NLRP2: variants seen among roughly 807,000 people sequenced by gnomAD.
NLRP2 encodes the protein NACHT, LRR and PYD domains-containing protein 2.
In NLRP2, 107 loss-of-function variants were observed where a neutral mutation model predicts 97.2. The observed-to-expected ratio is 1.10, with a 90% confidence interval of 0.94 to 1.29. NLRP2 has a LOEUF of 1.29. Among genes scored for constraint, NLRP2 ranks in the 50% most tolerant of loss-of-function variants. NLRP2 has a pLI of 0.00. For synonymous variants in NLRP2, 663 were observed against 551.5 expected, an observed-to-expected ratio of 1.20 and a Z score of -2.83; for missense variants, 1,495 against 1,330.3, an observed-to-expected ratio of 1.12 and a Z score of -1.93.
intron 2 of NLRP2, among the ~76,000 whole-genome samples, chr19:54,971,768 C>CA (rs1231518961): frequency 6.6e-6 from 1 of 151,894 alleles, no homozygotes; most frequent in African/African-American, 2.4e-5. Context: ...AATCCTAGAT[C>CA]AAAAATAATG....
At chr19:54,980,693 G>T (rs917339606) in intron 4 of NLRP2, among the ~76,000 whole-genome samples, 1 of 152,174 alleles carries the variant, frequency 6.6e-6, no homozygotes, top group African/African-American at 2.4e-5. Context: ...TTTAACTTGC[G>T]GTCTTCTTTC....
chr19:54,974,472 A>G, intron 2 of NLRP2, 28 bp from the exon 3 acceptor site: 2 of 1,601,230 alleles, frequency 1.2e-6, no homozygotes, highest in Non-Finnish European at 1.7e-6. Flanking sequence ...GGTAAAATGC[A>G]AAATTTTCCC....
chr19:54,973,839 G>T, intron 2 of NLRP2: 4 of 622,504 alleles, frequency 6.4e-6, no homozygotes, highest in Non-Finnish European at 1.2e-5. Flanking sequence ...CCTGAAACCC[G>T]CCGGACTTTC....
rs753846462 is a variant in NLRP2, at chr19:54,983,641, G to A, written c.1943G>A (p.Arg648Gln). ...VPSSFCVKHCRNLQKMSLQVI... is the reference protein window; with the variant it reads ...VPSSFCVKHCQNLQKMSLQVI... ...TCTTCATTCTGCGTCAAGCACTGTC[G>A]AAACCTGCAGAAAATGTCACTGCAG... Residue 648 changes from arginine to glutamine, a missense_variant, in exon 6 of 13, where the codon CGA becomes CAA. Transcript: ENST00000448584. The A allele has an allele frequency of 3.2e-5, 51 of 1,613,994 alleles. No individual in the cohort carries two copies. Among genetic ancestry groups the A allele is most frequent in the African/African-American group, 4.0e-5 (3 of 74,932 alleles).
At chr19:54,993,084 G>A (rs1005256072) in intron 10 of NLRP2, 3 of 151,844 alleles carry the variant, frequency 2.0e-5, no homozygotes, top group Non-Finnish European at 2.9e-5. Flanking sequence ...GCCAGGCGTG[G>A]TGTCGGAGCC....
intron 12 of NLRP2, among the ~76,000 whole-genome samples, chr19:54,999,268 C>T (rs1245056229): frequency 6.6e-6 from 1 of 152,026 alleles, no homozygotes; most frequent in Non-Finnish European, 1.5e-5. Context: ...CTCCCTCAGC[C>T]TCCCAAGTAG....
At chr19:54,985,313 T>C in intron 7 of NLRP2, 96 bp downstream of exon 7, 1 of 1,174,878 alleles carries the variant, frequency 8.5e-7, no homozygotes, top group South Asian at 1.2e-5. Context: ...TACTAGACTC[T>C]TAAGTGCTCG....
At position 54,982,990 on chromosome 19, in the gene NLRP2, G is replaced by C. The variant is rs779407063; in HGVS notation, c.1292G>C (p.Arg431Pro). Reference protein sequence around the residue: ...TCLTRTGLFLRFLCSRFPQGA... With the variant: ...TCLTRTGLFLPFLCSRFPQGA... ...CTCACCCGCACGGGGCTGTTCCTGC[G>C]TTTCCTCTGCAGCCGGTTCCCGCAG... The change falls in exon 6 of 13, where the codon CGT (arginine) becomes CCT (proline). Residue 431 changes from arginine to proline, a missense_variant. Arg to Pro is a moderately radical substitution (Grantham distance 103). Coordinates refer to ENST00000448584, the MANE Select transcript of NLRP2 (RefSeq NM_017852.5). The C allele has an allele frequency of 6.2e-7, 1 of 1,610,930 alleles. No individual in the cohort carries two copies. The highest frequency in any genetic ancestry group is 1.1e-5 in the South Asian group (1 of 90,908).
intron 10 of NLRP2, chr19:54,991,076 C>T (rs2072444773): frequency 4.4e-6 from 1 of 227,794 alleles, no homozygotes. Context: ...AATCTGTGTT[C>T]TTAGAACTAT....
chr19:54,977,625 C>T lies in NLRP2; in HGVS notation c.326-127C>T, dbSNP rs908203462. The stretch of plus-strand genomic sequence containing the variant: ...GTACTTTCACTTTTACATCCAGTAC[C>T]TTATCAACGTCCTTTTTAGTACCTA... On this transcript the variant is annotated intron_variant, in intron 3 of 12. Coordinates refer to ENST00000448584, the MANE Select transcript of NLRP2 (RefSeq NM_017852.5). 23 of 876,672 alleles carry T rather than the reference C, an allele frequency of 2.6e-5. No homozygotes were observed. The Middle Eastern group carries it at 9.7e-4, about 37-fold the overall frequency. 54.3% of individuals were successfully genotyped at this position (876,672 alleles called of 1,614,324 possible).
At chr19:54,970,743 G>C (rs2070790610) in intron 2 of NLRP2, among the ~76,000 whole-genome samples, 1 of 139,956 alleles carries the variant, frequency 7.1e-6, no homozygotes, top group African/African-American at 2.6e-5. Context: ...CCTGGTGTCT[G>C]TCCTGGTCCT....
intron 4 of NLRP2, among the ~76,000 whole-genome samples, chr19:54,979,385 C>G (rs1046246873): frequency 1.3e-5 from 2 of 152,092 alleles, no homozygotes; most frequent in Non-Finnish European, 2.9e-5. Flanking sequence ...CCTTGTCGCC[C>G]AGGCTAGAGT....
intron 1 of NLRP2, among the ~76,000 whole-genome samples, chr19:54,969,477 CAAAAAAA>C (rs757668995): frequency 9.5e-5 from 9 of 94,636 alleles, no homozygotes; most frequent in Admixed American, 8.6e-4. Context: ...GACTCCGTCT[CAAAAAAA>C]AAAAAAAAAA....
At chr19:54,973,236 T>C (rs1375422313) in intron 2 of NLRP2, among the ~76,000 whole-genome samples, 5 of 151,442 alleles carry the variant, frequency 3.3e-5, no homozygotes, top group Non-Finnish European at 7.4e-5. Flanking sequence ...AATGGAATAC[T>C]CCTCAACCTT....
rs1012031597 is a variant in NLRP2, at chr19:55,000,906, C to T, written c.*8C>T. 19 of 1,613,228 alleles carry T rather than the reference C, an allele frequency of 1.2e-5. No individual in the cohort carries two copies. Among genetic ancestry groups the T allele is most frequent in the Non-Finnish European group, 1.5e-5 (18 of 1,179,490 alleles). ...CATGACTTCATGATCTGAATCCCCC[C>T]GAGTCATTCATTCTCCATGAAGTCA... On this transcript the variant is annotated 3_prime_UTR_variant, in exon 13 of 13. Transcript: ENST00000448584.
chr19:54,988,385 C>T (rs922776535), intron 8 of NLRP2, among the ~76,000 whole-genome samples: 2 of 151,972 alleles, frequency 1.3e-5, no homozygotes, highest in African/African-American at 2.4e-5. Flanking sequence ...CTCTGCCTCC[C>T]GGGTTCAAGT....
intron 3 of NLRP2, among the ~76,000 whole-genome samples, chr19:54,977,414 T>C (rs568732616): frequency 6.6e-6 from 1 of 150,650 alleles, no homozygotes; most frequent in Non-Finnish European, 1.5e-5. Context: ...AGAGCAAAAC[T>C]ACATCTCAAA....
intron 4 of NLRP2, among the ~76,000 whole-genome samples, chr19:54,980,445 T>C (rs1217301901): frequency 6.7e-5 from 10 of 149,148 alleles, no homozygotes; most frequent in African/African-American, 9.8e-5. Flanking sequence ...CCACCCGCCT[T>C]GGCCTCCCAA....
chr19:54,972,497 C>T (rs1401788205), intron 2 of NLRP2, among the ~76,000 whole-genome samples: 1 of 151,700 alleles, frequency 6.6e-6, no homozygotes, highest in Non-Finnish European at 1.5e-5. Context: ...TTTTTTGAAA[C>T]GGGGTCTCGT....
Sources: allele counts gnomAD v4.1 joint callset (sites outside exome capture counted in the v4.1 genomes callset), GRCh38; gene constraint gnomAD v4.1.1; transcripts MANE v1.5; gene names NCBI Gene and HGNC (gene_info 2026-07-23, HGNC 2026-07-21).